The following MTREX variants were observed in gnomAD, a reference collection of about 807,000 sequenced individuals.
The protein encoded by MTREX is exosome RNA helicase MTR4.
A neutral mutation model predicts 135.4 loss-of-function variants in MTREX; 76 were observed. The observed-to-expected ratio is 0.56, with a 90% CI of 0.47 to 0.68. The LOEUF (loss-of-function observed/expected upper bound fraction) is 0.68. Among genes scored for constraint, MTREX ranks in the 30% least tolerant of loss-of-function variants. The probability of loss-of-function intolerance (pLI) is 0.00; values close to 1 mark genes in which losing one functional copy is unlikely to be tolerated. For synonymous variants in MTREX, 404 were observed against 401.6 expected, an observed-to-expected ratio of 1.01 and a Z score of -0.07; for missense variants, 920 against 1,262.1, an observed-to-expected ratio of 0.73 and a Z score of 4.11.
chr5:55,316,651 T>C (rs1749203149), intron 1 of MTREX, among the ~76,000 whole-genome samples: 1 of 152,150 alleles, frequency 6.6e-6, no homozygotes, highest in South Asian at 2.1e-4. Context: ...AATAGAGCCA[T>C]CTATGACAAA....
At chr5:55,353,872 G>A (rs1392649095) in intron 14 of MTREX, among the ~76,000 whole-genome samples, 1 of 152,158 alleles carries the variant, frequency 6.6e-6, no homozygotes, top group African/African-American at 2.4e-5. Context: ...TTTTAAATAT[G>A]TCTAGAGTTT....
chr5:55,320,219 C>CT (rs375766049), intron 1 of MTREX, among the ~76,000 whole-genome samples: 17,283 of 136,628 alleles, frequency 0.13, 1,306 homozygotes, highest in East Asian at 0.26. Flanking sequence ...ATTAAAAAGT[C>CT]TTTTTTTTTT....
chr5:55,405,303 TAAC>T, intron 21 of MTREX, 119 bp from the exon 22 acceptor site: 1 of 802,196 alleles, frequency 1.2e-6, no homozygotes, highest in Non-Finnish European at 1.9e-6. Context: ...ACTGAAGCTT[TAAC>T]CCAGAAGTAT....
chr5:55,420,107 TAC>T (rs1233666452), intron 25 of MTREX, among the ~76,000 whole-genome samples: 1 of 152,182 alleles, frequency 6.6e-6, no homozygotes, highest in Non-Finnish European at 1.5e-5. Flanking sequence ...CCATGCTAGT[TAC>T]AGTGTGAGCA....
chr5:55,400,710 C>G (rs1440520214), intron 21 of MTREX, among the ~76,000 whole-genome samples: 2 of 152,104 alleles, frequency 1.3e-5, no homozygotes, highest in African/African-American at 2.4e-5. Flanking sequence ...ATGTCCAACT[C>G]ACTGGTTTTT....
Position 55,415,909 on chromosome 5 carries a change from T to C in MTREX, c.2809-61T>C, listed in dbSNP as rs545303989. On this transcript the variant is annotated intron_variant, in intron 24 of 26. Transcript: ENST00000230640. The stretch of plus-strand genomic sequence containing the variant: ...CTCCTGGAATACTGGCTTGGAAACC[T>C]AAAGAATAAAGTGATATGGGAGATC... 15 of 1,243,856 alleles carry C rather than the reference T, an allele frequency of 1.2e-5. No homozygotes were observed. In the South Asian group the frequency reaches 1.9e-4, roughly 16 times the overall value. The allele number at this position is 1,243,856 out of a possible 1,614,324, so 77.1% of individuals were successfully genotyped here. A position where few individuals can be genotyped will look rare whatever the true frequency, so the allele number is the denominator to read the frequency against.
chr5:55,410,695 G>T, intron 23 of MTREX, 66 bp downstream of exon 23: 1 of 878,950 alleles, frequency 1.1e-6, no homozygotes, highest in Middle Eastern at 2.4e-4. Flanking sequence ...TAGTGTTATG[G>T]CTATATTATC....
intron 5 of MTREX, among the ~76,000 whole-genome samples, chr5:55,334,912 G>A (rs1230095549): frequency 6.6e-6 from 1 of 152,054 alleles, no homozygotes; most frequent in Non-Finnish European, 1.5e-5. Context: ...TAACTGTTGA[G>A]GAGACTGCTG....
intron 22 of MTREX, among the ~76,000 whole-genome samples, chr5:55,408,917 T>TTTTA (rs140029940): frequency 0.021 from 2,958 of 144,284 alleles, 39 homozygotes; most frequent in East Asian, 0.078. Flanking sequence ...TGAACAATAT[T>TTTTA]TTTATTTATT....
At chr5:55,394,894 A>ATGG (rs971207946) in intron 19 of MTREX, among the ~76,000 whole-genome samples, 9 of 151,990 alleles carry the variant, frequency 5.9e-5, no homozygotes, top group African/African-American at 1.9e-4. Flanking sequence ...TTAGCCAGGC[A>ATGG]TGGTGGCAGG....
chr5:55,321,081 T>A (rs1749282103), intron 1 of MTREX, among the ~76,000 whole-genome samples: 1 of 152,188 alleles, frequency 6.6e-6, no homozygotes. Context: ...ATGTTACTCA[T>A]GTTAATATGT....
chr5:55,329,548 C>A (rs1749436374), intron 5 of MTREX: 1 of 152,174 alleles, frequency 6.6e-6, no homozygotes, highest in South Asian at 2.1e-4. Flanking sequence ...TGTACAGCAT[C>A]ATTTCCCTTC....
At chr5:55,352,887 G>A (rs1206679321) in intron 13 of MTREX, among the ~76,000 whole-genome samples, 1 of 152,118 alleles carries the variant, frequency 6.6e-6, no homozygotes, top group Non-Finnish European at 1.5e-5. Flanking sequence ...CTAAAACTTT[G>A]TTCGTAAGAC....
intron 15 of MTREX, among the ~76,000 whole-genome samples, chr5:55,362,742 A>G (rs751989064): frequency 3.0e-4 from 45 of 152,224 alleles, no homozygotes; most frequent in Admixed American, 2.0e-4. Context: ...GTGTGTTCAA[A>G]TGAAAAGTTG....
intron 6 of MTREX, among the ~76,000 whole-genome samples, 171 bp downstream of exon 6, chr5:55,340,355 A>G (rs1749624603): frequency 6.6e-6 from 1 of 152,206 alleles, no homozygotes; most frequent in Non-Finnish European, 1.5e-5. Flanking sequence ...GTGTTCTGAT[A>G]ATATTACATT....
chr5:55,369,252 A>G (rs917952083), intron 16 of MTREX, among the ~76,000 whole-genome samples: 10 of 152,204 alleles, frequency 6.6e-5, no homozygotes, highest in Non-Finnish European at 1.3e-4. Flanking sequence ...GAAATTTCAG[A>G]TGCTGTCATT....
At chr5:55,358,334 A>G (rs977876276) in intron 14 of MTREX, among the ~76,000 whole-genome samples, 1 of 152,164 alleles carries the variant, frequency 6.6e-6, no homozygotes, top group African/African-American at 2.4e-5. Flanking sequence ...CCAAAATGAT[A>G]ATAAGTCTAA....
chr5:55,392,232 A>G (rs979256196), intron 19 of MTREX, among the ~76,000 whole-genome samples: 9 of 152,070 alleles, frequency 5.9e-5, no homozygotes, highest in African/African-American at 2.2e-4. Flanking sequence ...AGACTTCCTT[A>G]AATGCCTGCA....
chr5:55,358,165 A>G (rs1337479338), intron 14 of MTREX, among the ~76,000 whole-genome samples: 1 of 152,176 alleles, frequency 6.6e-6, no homozygotes, highest in Admixed American at 6.5e-5. Context: ...TATCCAGCTC[A>G]AAGGTATTTT....
Sources: gnomAD v4.1 joint callset for allele counts (sites outside exome capture counted in the v4.1 genomes callset) on GRCh38, gnomAD v4.1.1 for gene constraint, MANE v1.5 for transcripts, NCBI Gene and HGNC (gene_info 2026-07-23, HGNC 2026-07-21) for gene names.